The following HIBCH variants were observed in gnomAD, a reference collection of about 807,000 sequenced individuals.
The protein encoded by HIBCH is 3-hydroxyisobutyryl-CoA hydrolase, mitochondrial.
A neutral mutation model predicts 58.2 loss-of-function variants in HIBCH; 50 were observed. The ratio of observed to expected loss-of-function variants is 0.86; its 90% confidence interval spans 0.68 to 1.09. The LOEUF is 1.09. Ranked by LOEUF, HIBCH falls within the 50% of genes least tolerant of loss-of-function variation. The probability of loss-of-function intolerance (pLI) is 0.00; values close to 1 mark genes in which losing one functional copy is unlikely to be tolerated. For synonymous variants in HIBCH, 151 were observed against 146.9 expected (o/e 1.03, Z -0.20); for missense variants, 450 against 449.7 (o/e 1.00, Z -0.01).
At chr2:190,296,106 G>C (rs967657721) in intron 3 of HIBCH, among the ~76,000 whole-genome samples, 2 of 152,146 alleles carry the variant, frequency 1.3e-5, no homozygotes, top group Admixed American at 6.5e-5. Flanking sequence ...GGCCTTCTCT[G>C]AGAAAAAGCA....
chr2:190,203,097 C>T (rs964464803), downstream of HIBCH: 1 of 167,034 alleles, frequency 6.0e-6, no homozygotes, highest in Admixed American at 6.5e-5. Context: ...TAGCATGATA[C>T]GCATATATCC....
chr2:190,274,573 A>T (rs1342647884), intron 6 of HIBCH, among the ~76,000 whole-genome samples: 1 of 152,160 alleles, frequency 6.6e-6, no homozygotes, highest in Non-Finnish European at 1.5e-5. Context: ...TGGTGGGGGA[A>T]TTTTCCCTTT....
At chr2:190,223,449 G>C (rs1685789517) in intron 11 of HIBCH, among the ~76,000 whole-genome samples, 1 of 152,184 alleles carries the variant, frequency 6.6e-6, no homozygotes, top group African/African-American at 2.4e-5. Context: ...AACAATGCCT[G>C]ATAAGTGGTA....
In HIBCH at chr2:190,252,338, G is replaced by T. The variant is rs554076701; in HGVS notation, c.518-31C>A. ...ATTAAATGTAACAAAAAGAGATAAT[G>T]GTGATTCAAATGAAAAAGATAAATA... On this transcript the variant is annotated intron_variant, in intron 7 of 13. Coordinates refer to ENST00000359678, the MANE Select transcript of HIBCH (RefSeq NM_014362.4). The T allele has an allele frequency of 6.3e-6, 10 of 1,589,206 alleles. No individual in the cohort carries two copies. In the South Asian group the frequency reaches 8.9e-5, roughly 14 times the overall value.
At chr2:190,195,875 A>G (rs891961365) in intron 1 of HIBCH, among the ~76,000 whole-genome samples, 5 of 137,322 alleles carry the variant, frequency 3.6e-5, no homozygotes, top group African/African-American at 8.1e-5. Flanking sequence ...TAGGAGTCCT[A>G]TTTTATATTT....
chr2:190,252,217 T>A lies in HIBCH; in HGVS notation c.608A>T (p.Lys203Ile), dbSNP rs1686794367. The A allele has an allele frequency of 6.2e-7, 1 of 1,613,808 alleles. No homozygotes were observed. Among genetic ancestry groups the A allele is most frequent in the African/African-American group, 1.3e-5 (1 of 74,936 alleles). ...TCCTGCTCTGTACACATCTCTTCCT[T>A]TTAGTCTGAATCCTGTTAATGCAAG... is the stretch of plus-strand genomic sequence containing the variant. The part of the protein sequence containing the change: ...YFLALTGFRL[K>I]GRDVYRAGIA... Residue 203 changes from lysine (K) to isoleucine (I), a missense_variant, in exon 8 of 14, where the codon AAA (lysine) becomes ATA (isoleucine). Transcript: ENST00000359678.
intron 6 of HIBCH, among the ~76,000 whole-genome samples, chr2:190,272,009 G>A (rs1249494344): frequency 3.3e-5 from 5 of 152,006 alleles, no homozygotes; most frequent in African/African-American, 4.8e-5. Context: ...CAACCACATC[G>A]CATTCTTTTA....
At chr2:190,244,092 A>G (rs547164448) in intron 11 of HIBCH, among the ~76,000 whole-genome samples, 8 of 152,326 alleles carry the variant, frequency 5.3e-5, no homozygotes, top group African/African-American at 1.9e-4. Flanking sequence ...GATTACATCT[A>G]TAAATAGAAA....
intron 6 of HIBCH, among the ~76,000 whole-genome samples, chr2:190,283,144 T>C (rs572869084): frequency 6.6e-6 from 1 of 152,332 alleles, no homozygotes; most frequent in Admixed American, 6.5e-5. Flanking sequence ...TTAAGATTTG[T>C]TAGATATGAG....
chr2:190,240,011 CAT>C (rs1686405610), intron 11 of HIBCH, among the ~76,000 whole-genome samples: 1 of 152,168 alleles, frequency 6.6e-6, no homozygotes, highest in Non-Finnish European at 1.5e-5. Context: ...AGGCTGGCCT[CAT>C]AAAATGAGTT....
In HIBCH at chr2:190,231,982, G is replaced by A. The variant is rs530373643; in HGVS notation, c.891+12905C>T. 2.0e-3 allele frequency among the ~76,000 whole-genome samples: 312 copies of A among 152,250 alleles called. 2 individuals carry two copies. Among genetic ancestry groups the A allele is most frequent in the African/African-American group, 6.5e-3 (269 of 41,544 alleles). ...AGGCCAAGGTGTGTGGATCACCTGA[G>A]GTCAAGAGTTCAAGACCAGCCTGAC... On this transcript the variant is annotated intron_variant, in intron 11 of 13. Transcript: ENST00000359678.
chr2:190,243,966 T>C lies in HIBCH; in HGVS notation c.891+921A>G, dbSNP rs532732776. 6.6e-6 allele frequency among the ~76,000 whole-genome samples: 1 copy of C among 152,172 alleles called. No individual in the cohort carries two copies. The highest frequency in any genetic ancestry group is 2.1e-4 in the South Asian group (1 of 4,812). ...GCCTGGGGAACAGGGCAAGATTCTG[T>C]CTCAAAAAAACGAAAACAAAAAAAA... On this transcript the variant is annotated intron_variant, in intron 11 of 13. Transcript: ENST00000359678. The surrounding 1 kb of genome is among the most constrained non-coding windows in gnomAD (Gnocchi z 4.1).
At chr2:190,287,773 T>C in intron 5 of HIBCH, 135 bp from the exon 6 acceptor site, 2 of 661,432 alleles carry the variant, frequency 3.0e-6, no homozygotes, top group South Asian at 1.7e-5. Context: ...GACGACTAAA[T>C]GTATGGCTTA....
chr2:190,213,823 A>G (rs996358442), intron 11 of HIBCH: 3 of 152,148 alleles, frequency 2.0e-5, no homozygotes, highest in African/African-American at 7.2e-5. Context: ...ACCCTATAGG[A>G]CTCAGCCTAT....
chr2:190,227,923 A>ATT lies in HIBCH; in HGVS notation c.892-14849_892-14848insAA, dbSNP rs528299292. Among the ~76,000 whole-genome samples the ATT allele has an allele frequency of 2.1e-3, 318 of 152,170 alleles. 1 individual carries two copies. Among genetic ancestry groups the ATT allele is most frequent in the Non-Finnish European group, 3.8e-3 (257 of 67,956 alleles). On this transcript the variant is annotated intron_variant, in intron 11 of 13. Coordinates refer to ENST00000359678, the MANE Select transcript of HIBCH (RefSeq NM_014362.4). ...GAAACGACAGGTGCTGAAGAGGAAG[A>ATT]GAAACAGGAACACTTTTACATTGTT...
chr2:190,209,936 C>A lies in HIBCH; in HGVS notation c.1012-1023G>T, dbSNP rs1239985439. 2.8e-4 allele frequency among the ~76,000 whole-genome samples: 42 copies of A among 152,082 alleles called. 1 individual carries two copies. Among genetic ancestry groups the A allele is most frequent in the Admixed American group, 2.8e-3 (42 of 15,264 alleles). On this transcript the variant is annotated intron_variant, in intron 12 of 13. Coordinates refer to ENST00000359678, the MANE Select transcript of HIBCH (RefSeq NM_014362.4). The surrounding 1 kb of genome is among the most constrained non-coding windows in gnomAD (Gnocchi z 5.6). ...TATCCATCCTAGGATTATTTTAATC[C>A]ACATCCAAGCACAGTGTCCGACACT...
chr2:190,300,473 A>G (rs1688232102), intron 2 of HIBCH, among the ~76,000 whole-genome samples: 1 of 151,944 alleles, frequency 6.6e-6, no homozygotes, highest in African/African-American at 2.4e-5. Context: ...TCTTCTTCTA[A>G]AAAGTGTTTT....
downstream of HIBCH, chr2:190,203,243 T>C (rs1690303175): frequency 1.8e-5 from 3 of 167,052 alleles, no homozygotes; most frequent in East Asian, 3.8e-4. Flanking sequence ...CTAACAAATA[T>C]ATTGTTTGCT....
chr2:190,257,214 A>C (rs1424526966), intron 7 of HIBCH, among the ~76,000 whole-genome samples: 2 of 152,224 alleles, frequency 1.3e-5, no homozygotes, highest in African/African-American at 2.4e-5. Context: ...AGGAACAAAA[A>C]TAAGGAAGAG....
Sources: gnomAD v4.1 joint callset for allele counts (sites outside exome capture counted in the v4.1 genomes callset) on GRCh38, gnomAD v4.1.1 for gene constraint, Gnocchi (gnomAD v3.1) non-coding constraint, MANE v1.5 for transcripts, NCBI Gene and HGNC (gene_info 2026-07-23, HGNC 2026-07-21) for gene names.